Variants in CTNNA3 observed in about 807,000 individuals in gnomAD.
CTNNA3 encodes catenin alpha-3.
A neutral mutation model predicts 95.7 loss-of-function variants in CTNNA3; 76 were observed. The ratio of observed to expected loss-of-function variants is 0.79; its 90% confidence interval spans 0.66 to 0.96. The LOEUF is 0.96. Ranked by LOEUF, CTNNA3 falls within the 40% of genes least tolerant of loss-of-function variation. The pLI is 0.00. For missense variants in CTNNA3, 1,191 were observed against 1,089.8 expected, an observed-to-expected ratio of 1.09 and a Z score of -1.31; for synonymous variants, 431 against 374.4, an observed-to-expected ratio of 1.15 and a Z score of -1.74.
intron 10 of CTNNA3, among the ~76,000 whole-genome samples, chr10:66,530,805 C>T (rs1404393650): frequency 2.0e-5 from 3 of 152,048 alleles, no homozygotes; most frequent in Admixed American, 6.6e-5. Flanking sequence ...CTCTCATTTG[C>T]CTTGGATAAA....
At chr10:66,928,650 A>G (rs1847208875) in intron 7 of CTNNA3, among the ~76,000 whole-genome samples, 1 of 152,114 alleles carries the variant, frequency 6.6e-6, no homozygotes, top group South Asian at 2.1e-4. Context: ...TAATCAACCC[A>G]TTGAAATTTA....
chr10:65,978,026 A>G (rs2078241016), intron 16 of CTNNA3, among the ~76,000 whole-genome samples: 1 of 152,050 alleles, frequency 6.6e-6, no homozygotes, highest in Non-Finnish European at 1.5e-5. Flanking sequence ...GCTCAGGATC[A>G]CAGATCATCA....
At chr10:67,475,058 T>G (rs921609082) in intron 5 of CTNNA3, among the ~76,000 whole-genome samples, 5 of 152,078 alleles carry the variant, frequency 3.3e-5, no homozygotes, top group South Asian at 2.1e-4. Flanking sequence ...AAAAGCAAAT[T>G]GTGACACAGC....
chr10:67,244,308 A>G (rs1313232326), intron 5 of CTNNA3, among the ~76,000 whole-genome samples: 1 of 152,204 alleles, frequency 6.6e-6, no homozygotes, highest in Non-Finnish European at 1.5e-5. Flanking sequence ...GTTCTAAAAT[A>G]TACCTAATTT....
chr10:66,160,494 G>T (rs190562946), intron 13 of CTNNA3, among the ~76,000 whole-genome samples: 49 of 152,030 alleles, frequency 3.2e-4, no homozygotes, highest in African/African-American at 1.1e-3. Flanking sequence ...TGGCTTTGAA[G>T]GTTCCTTTTG....
chr10:67,632,126 C>CCACACA (rs71006156), intron 2 of CTNNA3, among the ~76,000 whole-genome samples: 18,245 of 138,854 alleles, frequency 0.13, 1,275 homozygotes, highest in African/African-American at 0.17. Context: ...AGTGTCTTAG[C>CCACACA]CACACACACA....
Position 67,279,889 on chromosome 10 carries a change from TGAAA to T in CTNNA3, c.580-60023_580-60020del, listed in dbSNP as rs58271543. On this transcript the variant is annotated intron_variant, in intron 5 of 17. Coordinates refer to ENST00000433211, the MANE Select transcript of CTNNA3 (RefSeq NM_013266.4). ...GGTGGAAGAGAAAAAACTGAGAAAA[TGAAA>T]GAAACGGACAGAGAAAATTTCATTC... Among the ~76,000 whole-genome samples, 2,830 of 150,240 alleles carry T rather than the reference TGAAA, an allele frequency of 0.019. 301 individuals carry two copies. In the East Asian group the frequency reaches 0.25, roughly 13 times the overall value.
intron 7 of CTNNA3, among the ~76,000 whole-genome samples, chr10:67,074,646 A>G (rs1481008164): frequency 6.6e-6 from 1 of 152,116 alleles, no homozygotes; most frequent in Non-Finnish European, 1.5e-5. Context: ...CACCGCGCCC[A>G]ACCCACTTTA....
chr10:66,669,847 A>G lies in CTNNA3; in HGVS notation c.1282-48063T>C, dbSNP rs74141628. 7.3e-3 allele frequency among the ~76,000 whole-genome samples: 1,114 copies of G among 152,280 alleles called. 16 individuals are homozygous for G. Among genetic ancestry groups the G allele is most frequent in the African/African-American group, 0.025 (1,057 of 41,564 alleles). ...ATTAAATAGAGTTTATTCTGCTGCA[A>G]TCTTACAGCCCTGAGAGGTACAGAA... On this transcript the variant is annotated intron_variant, in intron 9 of 17. Coordinates refer to ENST00000433211, the MANE Select transcript of CTNNA3 (RefSeq NM_013266.4).
intron 13 of CTNNA3, among the ~76,000 whole-genome samples, chr10:66,255,939 G>A (rs185713628): frequency 7.9e-5 from 12 of 152,204 alleles, no homozygotes; most frequent in East Asian, 3.9e-4. Context: ...TGATGTTCCC[G>A]CGAAGAAAAA....
At chr10:66,283,493 C>T (rs1001636872) in intron 12 of CTNNA3, among the ~76,000 whole-genome samples, 5 of 151,630 alleles carry the variant, frequency 3.3e-5, no homozygotes, top group Admixed American at 6.6e-5. Context: ...TTTTCACTGC[C>T]CTGTGAAGTA....
In CTNNA3 at chr10:67,243,453, A is replaced by G. The variant is rs76669946; in HGVS notation, c.580-23583T>C. On this transcript the variant is annotated intron_variant, in intron 5 of 17. Transcript: ENST00000433211. ...ACTACAGAAATATTTAGTAAGACAG[A>G]ACTTTTTGACCAATCTTTTCTCTGT... 5.4e-4 allele frequency among the ~76,000 whole-genome samples: 83 copies of G among 152,304 alleles called. 1 individual carries two copies. In the East Asian group the frequency reaches 0.014, roughly 27 times the overall value.
intron 10 of CTNNA3, among the ~76,000 whole-genome samples, chr10:66,574,339 T>G (rs1842946510): frequency 6.6e-6 from 1 of 151,588 alleles, no homozygotes; most frequent in African/African-American, 2.4e-5. Flanking sequence ...CACCGAAAAA[T>G]CCAGAAAGAT....
intron 5 of CTNNA3, among the ~76,000 whole-genome samples, chr10:67,473,936 T>C (rs1027584859): frequency 4.6e-5 from 7 of 152,182 alleles, no homozygotes; most frequent in Admixed American, 6.5e-5. Flanking sequence ...CCGAGTCACA[T>C]GGCATATGCA....
In CTNNA3 at chr10:65,917,036, AG is replaced by A. The variant is rs953482792; in HGVS notation, c.*3293del. 1 of 152,192 alleles carries A rather than the reference AG, an allele frequency of 6.6e-6. No homozygotes were observed. Among genetic ancestry groups the A allele is most frequent in the Admixed American group, 6.6e-5 (1 of 15,264 alleles). 9.4% of individuals were successfully genotyped at this position (152,192 alleles called of 1,614,324 possible). On this transcript the variant is annotated 3_prime_UTR_variant, in exon 18 of 18. Coordinates refer to ENST00000433211, the MANE Select transcript of CTNNA3 (RefSeq NM_013266.4). ...ACTGCCTTTGAAGCTAAAGGTGTTA[AG>A]AATGCCAGACTGCAAGAATGGGTGT...
chr10:66,967,341 T>C (rs554906872), intron 7 of CTNNA3, among the ~76,000 whole-genome samples: 3 of 141,448 alleles, frequency 2.1e-5, no homozygotes, highest in African/African-American at 7.5e-5. Flanking sequence ...GACATATATA[T>C]ATATAGATAG....
rs535649207 is a variant in CTNNA3, at chr10:65,934,154, G to A, written c.2401-13537C>T. On this transcript the variant is annotated intron_variant, in intron 17 of 17. Transcript: ENST00000433211. ...ATCTGGACTTCTTGTTATGATTTAA[G>A]TCATTGATAATAAGATTTGTTACTT... 4.6e-5 allele frequency among the ~76,000 whole-genome samples: 7 copies of A among 152,248 alleles called. No individual in the cohort carries two copies. In the East Asian group the frequency reaches 7.7e-4, roughly 17 times the overall value.
At position 67,671,957 on chromosome 10, in the gene CTNNA3, C is replaced by G. The variant is rs1053730646; in HGVS notation, c.-6+24043G>C. On this transcript the variant is annotated intron_variant, in intron 1 of 17. Transcript: ENST00000433211. ...CACACTGACTTCCACAATGGTTGAA[C>G]TAGTTTACAGTCCCACCAACAGTGT... 2.2e-4 allele frequency among the ~76,000 whole-genome samples: 33 copies of G among 152,122 alleles called. 1 individual carries two copies. The highest frequency in any genetic ancestry group is 5.1e-4 in the African/African-American group (21 of 41,550).
At chr10:66,177,007 C>G (rs1171423652) in intron 13 of CTNNA3, among the ~76,000 whole-genome samples, 2 of 151,922 alleles carry the variant, frequency 1.3e-5, no homozygotes, top group Admixed American at 1.3e-4. Context: ...ACTTAGAGAA[C>G]TAAGCGAAGG....
Sources: allele counts gnomAD v4.1 joint callset (sites outside exome capture counted in the v4.1 genomes callset), GRCh38; gene constraint gnomAD v4.1.1; transcripts MANE v1.5; gene names NCBI Gene and HGNC (gene_info 2026-07-23, HGNC 2026-07-21).